COL14A1: variants seen among roughly 807,000 people sequenced by gnomAD.
COL14A1 encodes the protein collagen type XIV alpha 1 chain, also known as collagen alpha-1(XIV) chain.
COL14A1 carries 136 observed loss-of-function variants against 230.3 expected under a neutral mutation model. The observed-to-expected ratio is 0.59, with a 90% CI of 0.51 to 0.68. The LOEUF is 0.68. Ranked by LOEUF, COL14A1 falls within the 30% of genes least tolerant of loss-of-function variation. The pLI is 0.00. For missense variants in COL14A1, 1,976 were observed against 2,215.8 expected, an observed-to-expected ratio of 0.89 and a Z score of 2.17; for synonymous variants, 792 against 784.1, an observed-to-expected ratio of 1.01 and a Z score of -0.17.
rs531354906 is a variant in COL14A1 at position 120,143,489 on chromosome 8, G to A, written c.-37-4317G>A. On this transcript the variant is annotated intron_variant, in intron 1 of 47. Coordinates refer to ENST00000297848, the MANE Select transcript of COL14A1 (RefSeq NM_021110.4). ...ATAATACAAAACAAAAAAATTGGCCGGGCGTGGTGCACATGCCTGTAATCC... is the reference window on the plus strand; with the variant it reads ...ATAATACAAAACAAAAAAATTGGCCAGGCGTGGTGCACATGCCTGTAATCC... 4.6e-5 allele frequency among the ~76,000 whole-genome samples: 7 copies of A among 152,180 alleles called. No individual in the cohort carries two copies. The South Asian group carries it at 6.2e-4, about 14-fold the overall frequency.
intron 14 of COL14A1, among the ~76,000 whole-genome samples, chr8:120,217,091 G>A (rs947524027): frequency 1.3e-5 from 2 of 152,164 alleles, no homozygotes; most frequent in South Asian, 4.1e-4. Context: ...ATTCATTGAT[G>A]TGGCCATCTC....
rs147501193 is a variant in COL14A1, at chr8:120,223,625, G to C, written c.1738-1463G>C. On this transcript the variant is annotated intron_variant, in intron 14 of 47. Transcript: ENST00000297848. ...GCGGAGGTTGCAGTGAGCCAAGATC[G>C]TGGCACTGCACTCCAACCTGGCTGA... Among the ~76,000 whole-genome samples the C allele has an allele frequency of 1.5e-3, 235 of 152,200 alleles. 1 individual carries two copies. The highest frequency in any genetic ancestry group is 5.4e-3 in the African/African-American group (224 of 41,526).
At chr8:120,350,877 C>G (rs1464862733) in intron 45 of COL14A1, among the ~76,000 whole-genome samples, 1 of 151,526 alleles carries the variant, frequency 6.6e-6, no homozygotes, top group South Asian at 2.1e-4. Flanking sequence ...CAGCTCTGCA[C>G]CAAGCGGACC....
In COL14A1 at chr8:120,145,676, T is replaced by G. The variant is rs534558897; in HGVS notation, c.-37-2130T>G. 2.3e-3 allele frequency among the ~76,000 whole-genome samples: 349 copies of G among 152,246 alleles called. 2 individuals carry two copies. The highest frequency in any genetic ancestry group is 8.0e-3 in the African/African-American group (334 of 41,562). On this transcript the variant is annotated intron_variant, in intron 1 of 47. Coordinates refer to ENST00000297848, the MANE Select transcript of COL14A1 (RefSeq NM_021110.4). ...TTGTTTTGCCTAGCAGTTCTACAATTGGGAATTTAGCCAAAGTAAATAAAT... is the reference window on the plus strand; with the variant it reads ...TTGTTTTGCCTAGCAGTTCTACAATGGGGAATTTAGCCAAAGTAAATAAAT...
chr8:120,246,398 C>T (rs1174624408), intron 20 of COL14A1, among the ~76,000 whole-genome samples: 3 of 152,184 alleles, frequency 2.0e-5, no homozygotes, highest in Non-Finnish European at 4.4e-5. Flanking sequence ...AAACTTTTCA[C>T]TCCACCTTTA....
rs59846403 is a variant in COL14A1, at chr8:120,298,597, TTATATATATATATATATATATATATA to T, written c.4314+1026_4314+1051del. On this transcript the variant is annotated intron_variant, in intron 35 of 47. Transcript: ENST00000297848. ...TGGGATGTGTGTATACCCATATATT[TTATATATATATATATATATATATATA>T]TATATATATATATATACAAAAATAC... Among the ~76,000 whole-genome samples the T allele has an allele frequency of 1.7e-3, 97 of 57,990 alleles. 2 individuals are homozygous for T. Among genetic ancestry groups the T allele is most frequent in the African/African-American group, 6.1e-3 (88 of 14,388 alleles). 38.0% of individuals were successfully genotyped at this position (57,990 alleles called of 152,430 possible). A position where few individuals can be genotyped will look rare whatever the true frequency, so the allele number is the denominator to read the frequency against.
At chr8:120,257,868 A>G (rs1819207796) in intron 23 of COL14A1, among the ~76,000 whole-genome samples, 1 of 152,086 alleles carries the variant, frequency 6.6e-6, no homozygotes, top group Admixed American at 6.6e-5. Flanking sequence ...TTTTTCCCAT[A>G]TATTTTTTCA....
At chr8:120,316,842 C>T (rs578175812) in intron 40 of COL14A1, among the ~76,000 whole-genome samples, 3 of 152,020 alleles carry the variant, frequency 2.0e-5, no homozygotes, top group Admixed American at 6.6e-5. Flanking sequence ...TATTGTACAT[C>T]GTTTAGTATG....
intron 40 of COL14A1, among the ~76,000 whole-genome samples, chr8:120,329,377 C>T (rs1338136677): frequency 1.3e-5 from 2 of 152,118 alleles, no homozygotes; most frequent in African/African-American, 2.4e-5. Flanking sequence ...GGAGTTAAGG[C>T]GTGCAGACTA....
chr8:120,270,484 C>T (rs1819626071), intron 26 of COL14A1, among the ~76,000 whole-genome samples: 2 of 151,666 alleles, frequency 1.3e-5, no homozygotes, highest in South Asian at 2.1e-4. Flanking sequence ...TTTCCCTGCC[C>T]TTAAGCACTT....
At chr8:120,247,162 G>A (rs1458147845) in intron 20 of COL14A1, among the ~76,000 whole-genome samples, 1 of 152,204 alleles carries the variant, frequency 6.6e-6, no homozygotes, top group Non-Finnish European at 1.5e-5. Flanking sequence ...GGTGGCTCAC[G>A]CCTGTAATCC....
intron 3 of COL14A1, among the ~76,000 whole-genome samples, chr8:120,162,192 G>T (rs1299942693): frequency 6.6e-6 from 1 of 152,066 alleles, no homozygotes; most frequent in Non-Finnish European, 1.5e-5. Context: ...TTATAATTAG[G>T]TGCAATACAC....
chr8:120,336,283 A>G (rs1822068637), intron 42 of COL14A1, among the ~76,000 whole-genome samples: 2 of 152,186 alleles, frequency 1.3e-5, no homozygotes, highest in Non-Finnish European at 2.9e-5. Context: ...GGGTGGGAGT[A>G]GCGGCTTCAG....
At chr8:120,350,723 C>T (rs1586889465) in intron 45 of COL14A1, among the ~76,000 whole-genome samples, 1 of 145,466 alleles carries the variant, frequency 6.9e-6, no homozygotes, top group Non-Finnish European at 1.5e-5. Context: ...ACAGGAGCAC[C>T]CAGATTCATA....
intron 2 of COL14A1, among the ~76,000 whole-genome samples, chr8:120,152,362 A>C (rs914836201): frequency 6.8e-6 from 1 of 146,424 alleles, no homozygotes; most frequent in Non-Finnish European, 1.5e-5. Context: ...CCTAGCTACT[A>C]GGGAGGCTGA....
chr8:120,252,078 A>G lies in COL14A1; in HGVS notation c.2752+1312A>G, dbSNP rs186458060. ...TAGATACATAGATCTGCAATCTTCAATGTGATGATTTATGTTTACAATGTG... is the reference window on the plus strand; with the variant it reads ...TAGATACATAGATCTGCAATCTTCAGTGTGATGATTTATGTTTACAATGTG... On this transcript the variant is annotated intron_variant, in intron 22 of 47. Coordinates refer to ENST00000297848, the MANE Select transcript of COL14A1 (RefSeq NM_021110.4). Among the ~76,000 whole-genome samples, 15 of 152,132 alleles carry G rather than the reference A, an allele frequency of 9.9e-5. No individual in the cohort carries two copies. In the East Asian group the frequency reaches 2.7e-3, roughly 27 times the overall value.
intron 14 of COL14A1, among the ~76,000 whole-genome samples, chr8:120,221,474 AAT>A (rs1168965536): frequency 1.3e-5 from 2 of 152,152 alleles, no homozygotes; most frequent in African/African-American, 4.8e-5. Flanking sequence ...TAAAATAATC[AAT>A]GCTGAAATTA....
rs529248537 is a variant in COL14A1 at position 120,358,085 on chromosome 8, A to G, written c.5078-9086A>G. 2.6e-5 allele frequency among the ~76,000 whole-genome samples: 4 copies of G among 152,330 alleles called. No individual in the cohort carries two copies. In the East Asian group the frequency reaches 7.7e-4, roughly 29 times the overall value. Reference sequence around the variant, plus strand: ...ACTGTTACAGTAATAATAAGCTATAACTAGTGTTTTGTCTTGTTTTTGCCA... The same window carrying G: ...ACTGTTACAGTAATAATAAGCTATAGCTAGTGTTTTGTCTTGTTTTTGCCA... On this transcript the variant is annotated intron_variant, in intron 45 of 47. Coordinates refer to ENST00000297848, the MANE Select transcript of COL14A1 (RefSeq NM_021110.4).
intron 26 of COL14A1, among the ~76,000 whole-genome samples, chr8:120,273,386 A>C (rs1293211543): frequency 6.6e-6 from 1 of 151,866 alleles, no homozygotes; most frequent in African/African-American, 2.4e-5. Flanking sequence ...TCAAGGAACT[A>C]GTGAAACAAG....
Sources: allele counts gnomAD v4.1 joint callset (sites outside exome capture counted in the v4.1 genomes callset), GRCh38; gene constraint gnomAD v4.1.1; transcripts MANE v1.5; gene names NCBI Gene and HGNC (gene_info 2026-07-23, HGNC 2026-07-21).